Variants in GALNTL6 observed in about 807,000 individuals in gnomAD.
GALNTL6 encodes polypeptide N-acetylgalactosaminyltransferase like 6, also known as polypeptide N-acetylgalactosaminyltransferase-like 6.
Under a neutral mutation model 73.7 loss-of-function variants are expected in GALNTL6, and 46 were observed. The observed-to-expected ratio is 0.62, with a 90% CI of 0.49 to 0.80. GALNTL6 has a LOEUF of 0.80. Among genes scored for constraint, GALNTL6 ranks in the 30% least tolerant of loss-of-function variants. GALNTL6 has a pLI of 0.00. For missense variants in GALNTL6, 604 were observed against 755.0 expected, an observed-to-expected ratio of 0.80 and a Z score of 2.34; for synonymous variants, 259 against 263.7, an observed-to-expected ratio of 0.98 and a Z score of 0.17.
intron 9 of GALNTL6, among the ~76,000 whole-genome samples, chr4:172,943,517 G>A (rs570933778): frequency 6.6e-6 from 1 of 152,276 alleles, no homozygotes; most frequent in South Asian, 2.1e-4. Context: ...TTTATCAATA[G>A]GTAATGAATA....
At chr4:172,717,604 A>G (rs1357207285) in intron 5 of GALNTL6, among the ~76,000 whole-genome samples, 1 of 152,202 alleles carries the variant, frequency 6.6e-6, no homozygotes, top group African/African-American at 2.4e-5. Context: ...ACAATATACC[A>G]ACTTGCTACT....
At chr4:171,882,685 C>G (rs1370454810) in intron 2 of GALNTL6, among the ~76,000 whole-genome samples, 1 of 152,174 alleles carries the variant, frequency 6.6e-6, no homozygotes, top group Admixed American at 6.5e-5. Context: ...TGATGAAGGT[C>G]GGAAGACTCA....
rs186678901 is a variant in GALNTL6 at position 172,144,458 on chromosome 4, C to T, written c.139-85198C>T. ...ATTTCTAGGAAATAAAAATTGTATC[C>T]AAAAAATCAGGAAAAAATGGAGAAA... On this transcript the variant is annotated intron_variant, in intron 2 of 12. Transcript: ENST00000506823. 3.8e-3 allele frequency among the ~76,000 whole-genome samples: 571 copies of T among 151,874 alleles called. 4 individuals carry two copies. The highest frequency in any genetic ancestry group is 3.5e-3 in the Non-Finnish European group (240 of 67,924).
intron 4 of GALNTL6, among the ~76,000 whole-genome samples, chr4:172,314,387 A>G (rs1256097263): frequency 6.6e-6 from 1 of 151,992 alleles, no homozygotes; most frequent in African/African-American, 2.4e-5. Context: ...GATTTAACTG[A>G]ACTTGATCTT....
At chr4:172,628,238 GT>G (rs1739247210) in intron 5 of GALNTL6, among the ~76,000 whole-genome samples, 1 of 151,922 alleles carries the variant, frequency 6.6e-6, no homozygotes, top group Non-Finnish European at 1.5e-5. Context: ...TCTTTTATAT[GT>G]ACATTTTCCA....
intron 2 of GALNTL6, among the ~76,000 whole-genome samples, chr4:172,147,913 C>T (rs1008324373): frequency 2.6e-5 from 4 of 152,070 alleles, no homozygotes; most frequent in African/African-American, 7.2e-5. Context: ...CTTTTAATAG[C>T]ATTGTGAATA....
chr4:172,929,536 A>G (rs1470216652), intron 8 of GALNTL6, among the ~76,000 whole-genome samples: 1 of 152,036 alleles, frequency 6.6e-6, no homozygotes. Context: ...CAAGCTGGAG[A>G]CTCAGGGATT....
At chr4:172,390,507 G>T (rs1743626551) in intron 5 of GALNTL6, among the ~76,000 whole-genome samples, 2 of 152,298 alleles carry the variant, frequency 1.3e-5, no homozygotes, top group South Asian at 2.1e-4. Context: ...TACTTGCTCA[G>T]TCCTGCCCAG....
At chr4:172,581,200 A>C (rs1368344785) in intron 5 of GALNTL6, among the ~76,000 whole-genome samples, 1 of 152,246 alleles carries the variant, frequency 6.6e-6, no homozygotes, top group Non-Finnish European at 1.5e-5. Flanking sequence ...AAAGATAAAC[A>C]TATATGCCAT....
intron 2 of GALNTL6, among the ~76,000 whole-genome samples, chr4:171,933,667 G>A (rs899031757): frequency 7.2e-5 from 11 of 152,004 alleles, no homozygotes; most frequent in Admixed American, 6.6e-4. Context: ...GTTAACAAAC[G>A]ATTATGATTG....
chr4:171,955,169 T>C (rs545221029), intron 2 of GALNTL6, among the ~76,000 whole-genome samples: 1 of 152,166 alleles, frequency 6.6e-6, no homozygotes, highest in Admixed American at 6.6e-5. Context: ...AGTTCACAAT[T>C]TGAGTGATTT....
chr4:172,743,189 T>C (rs778392403), intron 5 of GALNTL6, among the ~76,000 whole-genome samples: 6 of 152,066 alleles, frequency 3.9e-5, no homozygotes, highest in Non-Finnish European at 7.4e-5. Context: ...CATTCTTACA[T>C]GTGTCAGACC....
chr4:171,868,415 A>T (rs1736031284), intron 2 of GALNTL6, among the ~76,000 whole-genome samples: 1 of 152,216 alleles, frequency 6.6e-6, no homozygotes, highest in African/African-American at 2.4e-5. Context: ...AACTCTTGAA[A>T]TCCTAAACAA....
chr4:172,609,402 A>G (rs1738428030), intron 5 of GALNTL6, among the ~76,000 whole-genome samples: 1 of 152,240 alleles, frequency 6.6e-6, no homozygotes, highest in African/African-American at 2.4e-5. Context: ...TGAGATAATC[A>G]TGTGGTTTTG....
intron 5 of GALNTL6, among the ~76,000 whole-genome samples, chr4:172,550,593 T>A (rs1484550937): frequency 6.6e-6 from 1 of 151,846 alleles, no homozygotes; most frequent in African/African-American, 2.4e-5. Flanking sequence ...AATTTAAAAT[T>A]TATTTTATTT....
chr4:172,526,669 C>G (rs1340648716), intron 5 of GALNTL6, among the ~76,000 whole-genome samples: 1 of 152,112 alleles, frequency 6.6e-6, no homozygotes, highest in Non-Finnish European at 1.5e-5. Flanking sequence ...ATAAGAGCTG[C>G]CAGCAGTGTG....
chr4:171,866,743 AGTCTGTTGT>A (rs750962020), intron 2 of GALNTL6, among the ~76,000 whole-genome samples: 33 of 152,212 alleles, frequency 2.2e-4, no homozygotes, highest in Admixed American at 8.5e-4. Context: ...TGCTGACTTC[AGTCTGTTGT>A]GTCCTCACAT....
intron 2 of GALNTL6, among the ~76,000 whole-genome samples, chr4:171,856,707 C>A (rs1735702377): frequency 1.3e-5 from 2 of 152,112 alleles, no homozygotes; most frequent in Non-Finnish European, 2.9e-5. Context: ...TCATTGAATT[C>A]TCTTTGTCCC....
chr4:172,509,013 C>T lies in GALNTL6; in HGVS notation c.553+160324C>T, dbSNP rs1244616155. Among the ~76,000 whole-genome samples, 2 of 43,556 alleles carry T rather than the reference C, an allele frequency of 4.6e-5. 1 individual carries two copies. Among genetic ancestry groups the T allele is most frequent in the Non-Finnish European group, 1.0e-4 (2 of 19,926 alleles). 28.6% of individuals were successfully genotyped at this position (43,556 alleles called of 152,430 possible). A position where few individuals can be genotyped will look rare whatever the true frequency, so the allele number is the denominator to read the frequency against. ...ATTGCTAGATCAAGTGGCAGATCTA[C>T]TATTGGTTCTCCACACTGCTTTCTG... On this transcript the variant is annotated intron_variant, in intron 5 of 12. Transcript: ENST00000506823.
Sources: allele counts gnomAD v4.1 joint callset (sites outside exome capture counted in the v4.1 genomes callset), GRCh38; gene constraint gnomAD v4.1.1; transcripts MANE v1.5; gene names NCBI Gene and HGNC (gene_info 2026-07-23, HGNC 2026-07-21).